TENM2: variants seen among roughly 807,000 people sequenced by gnomAD.
The protein encoded by TENM2 is teneurin transmembrane protein 2, also known as teneurin-2.
A neutral mutation model predicts 245.2 loss-of-function variants in TENM2; 52 were observed. That is an observed-to-expected ratio of 0.21 (90% confidence interval 0.17 to 0.27). TENM2 has a LOEUF of 0.27. Among genes scored for constraint, TENM2 ranks in the 10% least tolerant of loss-of-function variants. The probability of loss-of-function intolerance (pLI) is 1.00; values close to 1 mark genes in which losing one functional copy is unlikely to be tolerated. For synonymous variants in TENM2, 1,363 were observed against 1,438.9 expected (o/e 0.95, Z 1.19); for missense variants, 3,046 against 3,666.8 (o/e 0.83, Z 4.37).
chr5:168,083,106 C>T (rs980519138), intron 7 of TENM2, among the ~76,000 whole-genome samples: 8 of 152,212 alleles, frequency 5.3e-5, no homozygotes, highest in African/African-American at 1.4e-4. Context: ...CCACCCAGTT[C>T]GAGCTTCCCG....
intron 14 of TENM2, 118 bp downstream of exon 16, chr5:168,190,665 G>A (rs1334148715): frequency 4.9e-6 from 4 of 816,580 alleles, no homozygotes; most frequent in Non-Finnish European, 7.9e-6. Context: ...CCCCCCTAGA[G>A]GCAGCTCCCT....
intron 2 of TENM2, among the ~76,000 whole-genome samples, chr5:167,435,919 C>G (rs1764522054): frequency 6.7e-6 from 1 of 149,848 alleles, no homozygotes; most frequent in African/African-American, 2.5e-5. Flanking sequence ...GAACTTTGAA[C>G]TTGAGAGAGA....
intron 2 of TENM2, among the ~76,000 whole-genome samples, chr5:167,470,674 C>T (rs1026951283): frequency 1.3e-5 from 2 of 151,754 alleles, no homozygotes; most frequent in Non-Finnish European, 2.9e-5. Flanking sequence ...TCCTCCTCTA[C>T]TCAATGATCT....
At chr5:167,829,005 C>T (rs1768228893) in intron 2 of TENM2, among the ~76,000 whole-genome samples, 1 of 152,118 alleles carries the variant, frequency 6.6e-6, no homozygotes, top group African/African-American at 2.4e-5. Context: ...CTGGAGAAGC[C>T]CATCAGAAAC....
the TENM2 span, among the ~76,000 whole-genome samples, chr5:167,094,770 C>T: frequency 1.6e-4 from 24 of 152,294 alleles, no homozygotes; most frequent in African/African-American, 5.5e-4. Context: ...CTTTGCAACT[C>T]TCAGATCCTG....
chr5:167,975,537 A>G (rs1782374288), intron 4 of TENM2, among the ~76,000 whole-genome samples: 1 of 152,056 alleles, frequency 6.6e-6, no homozygotes, highest in African/African-American at 2.4e-5. Flanking sequence ...ACACACTTAA[A>G]TGGCACACTT....
At chr5:167,816,738 C>A (rs755973443) in intron 2 of TENM2, among the ~76,000 whole-genome samples, 8 of 152,102 alleles carry the variant, frequency 5.3e-5, no homozygotes, top group Non-Finnish European at 5.9e-5. Context: ...TATTTAGAGA[C>A]AAAGAAAGAC....
At chr5:167,583,062 C>G (rs1424356306) in intron 2 of TENM2, among the ~76,000 whole-genome samples, 3 of 152,042 alleles carry the variant, frequency 2.0e-5, no homozygotes, top group African/African-American at 7.2e-5. Context: ...CATTCATGCA[C>G]AAAAAGTGTA....
intron 7 of TENM2, among the ~76,000 whole-genome samples, chr5:168,086,814 C>A (rs1244846312): frequency 2.6e-5 from 4 of 152,208 alleles, no homozygotes; most frequent in Admixed American, 2.6e-4. Flanking sequence ...CCTGAGTTAT[C>A]AATTCCCAGT....
exon 19 of TENM2, chr5:168,204,463 C>G: frequency 6.2e-7 from 1 of 1,614,036 alleles, no homozygotes; most frequent in Non-Finnish European, 8.5e-7. Flanking sequence ...GCCGCCGGAG[C>G]ATTTCCTGTC....
At chr5:167,754,259 G>A (rs898529351) in intron 2 of TENM2, among the ~76,000 whole-genome samples, 3 of 152,060 alleles carry the variant, frequency 2.0e-5, no homozygotes, top group Non-Finnish European at 4.4e-5. Context: ...CAATAAAAGA[G>A]GTAAAGTGCT....
chr5:168,132,159 G>A (rs527690782), intron 12 of TENM2, among the ~76,000 whole-genome samples: 1 of 152,046 alleles, frequency 6.6e-6, no homozygotes, highest in South Asian at 2.1e-4. Flanking sequence ...CCCAGAACAA[G>A]GACTGGGAGA....
intron 2 of TENM2, among the ~76,000 whole-genome samples, chr5:167,842,151 T>C (rs926138981): frequency 3.9e-5 from 6 of 152,056 alleles, no homozygotes; most frequent in African/African-American, 1.4e-4. Context: ...GCTGGCGTCA[T>C]TGCCATCTGT....
At chr5:167,663,195 A>AGAAT (rs1221308823) in intron 2 of TENM2, among the ~76,000 whole-genome samples, 1 of 149,592 alleles carries the variant, frequency 6.7e-6, no homozygotes, top group South Asian at 2.1e-4. Context: ...AGAAAGAGAG[A>AGAAT]GAATGAATGC....
chr5:167,932,975 C>T (rs1157736604), intron 3 of TENM2, among the ~76,000 whole-genome samples: 1 of 152,082 alleles, frequency 6.6e-6, no homozygotes, highest in Non-Finnish European at 1.5e-5. Context: ...GCAGCCCCAG[C>T]CTAAGCAGTG....
Position 167,731,925 on chromosome 5 carries a change from A to G in TENM2, c.503-144061A>G, listed in dbSNP as rs115968390. On this transcript the variant is annotated intron_variant, in intron 2 of 28. Coordinates refer to ENST00000518659, the Ensembl canonical transcript of TENM2. Reference sequence around the variant, plus strand: ...CTTCCTTTTCTAATTGCCTACTTCTAATTTGTTGATGTTTTGGAAATCAAG... The same window carrying G: ...CTTCCTTTTCTAATTGCCTACTTCTGATTTGTTGATGTTTTGGAAATCAAG... 9.1e-3 allele frequency among the ~76,000 whole-genome samples: 1,390 copies of G among 152,226 alleles called. 14 individuals are homozygous for G. The highest frequency in any genetic ancestry group is 0.034 in the Middle Eastern group (10 of 294).
the TENM2 span, among the ~76,000 whole-genome samples, chr5:167,020,452 C>G: frequency 5.3e-5 from 8 of 152,196 alleles, no homozygotes; most frequent in Admixed American, 5.2e-4. Flanking sequence ...TATTCTGCAA[C>G]CATTGGGCCT....
chr5:167,532,847 C>T (rs1373389280), intron 2 of TENM2, among the ~76,000 whole-genome samples: 1 of 113,430 alleles, frequency 8.8e-6, no homozygotes, highest in Non-Finnish European at 1.7e-5. Context: ...TATATATATG[C>T]TATCCTGTAA....
intron 2 of TENM2, among the ~76,000 whole-genome samples, chr5:167,378,357 G>T (rs1251108767): frequency 6.8e-6 from 1 of 147,314 alleles, no homozygotes; most frequent in African/African-American, 2.5e-5. Context: ...AGATGAACCT[G>T]TCTTTCTTTT....
Sources: allele counts gnomAD v4.1 joint callset (sites outside exome capture counted in the v4.1 genomes callset), GRCh38; gene constraint gnomAD v4.1.1; transcripts MANE v1.5; gene names NCBI Gene and HGNC (gene_info 2026-07-23, HGNC 2026-07-21).